PXDNL: variants seen among roughly 807,000 people sequenced by gnomAD.
PXDNL encodes peroxidasin like.
PXDNL carries 145 observed loss-of-function variants against 150.8 expected under a neutral mutation model. The observed-to-expected ratio is 0.96, with a 90% CI of 0.84 to 1.10. The LOEUF is 1.10. Among genes scored for constraint, PXDNL ranks in the 50% least tolerant of loss-of-function variants. PXDNL has a pLI of 0.00. For synonymous variants in PXDNL, 757 were observed against 725.7 expected (o/e 1.04, Z -0.69); for missense variants, 2,087 against 1,873.9 (o/e 1.11, Z -2.10).
In PXDNL at chr8:51,377,950, T is replaced by C. The variant is rs1165154248; in HGVS notation, c.3558-3219A>G. On this transcript the variant is annotated intron_variant, in intron 17 of 22. Transcript: ENST00000356297. ...GCAGGCAGCTCCACCTGCAGCCCCGTGCGGTATCCACTGGGTGAAGCCAGC... is the reference window on the plus strand; with the variant it reads ...GCAGGCAGCTCCACCTGCAGCCCCGCGCGGTATCCACTGGGTGAAGCCAGC... 3.3e-5 allele frequency among the ~76,000 whole-genome samples: 5 copies of C among 152,346 alleles called. No individual in the cohort carries two copies. The East Asian group carries it at 7.7e-4, about 24-fold the overall frequency.
chr8:51,770,594 CT>C (rs2037282695), intron 1 of PXDNL, among the ~76,000 whole-genome samples: 1 of 152,204 alleles, frequency 6.6e-6, no homozygotes, highest in Non-Finnish European at 1.5e-5. Context: ...CTCCTCCTGT[CT>C]CTTGATCAGA....
intron 4 of PXDNL, among the ~76,000 whole-genome samples, chr8:51,506,553 A>C (rs1811297079): frequency 6.6e-6 from 1 of 151,002 alleles, no homozygotes; most frequent in East Asian, 1.9e-4. Flanking sequence ...AAAAAAAAAA[A>C]AAAAAAAAAA....
At chr8:51,471,679 A>C (rs958160107) in intron 8 of PXDNL, among the ~76,000 whole-genome samples, 1 of 146,338 alleles carries the variant, frequency 6.8e-6, no homozygotes, top group Admixed American at 6.9e-5. Flanking sequence ...GAAATGCATA[A>C]TTTTTTTTTT....
intron 17 of PXDNL, among the ~76,000 whole-genome samples, chr8:51,385,388 A>G (rs1004254643): frequency 1.3e-5 from 2 of 152,162 alleles, no homozygotes; most frequent in Non-Finnish European, 2.9e-5. Flanking sequence ...TGTTATGTTT[A>G]CACACTACAT....
At chr8:51,359,446 T>C (rs1806640838) in intron 19 of PXDNL, among the ~76,000 whole-genome samples, 1 of 151,852 alleles carries the variant, frequency 6.6e-6, no homozygotes, top group African/African-American at 2.4e-5. Flanking sequence ...TAAGTGGTCA[T>C]GGGCAAAAAA....
chr8:51,608,698 G>A (rs539351948), intron 2 of PXDNL, among the ~76,000 whole-genome samples: 12 of 151,264 alleles, frequency 7.9e-5, no homozygotes, highest in Admixed American at 3.9e-4. Context: ...TTAGCCGGGC[G>A]TGGTGGTGGG....
chr8:51,685,340 T>A lies in PXDNL; in HGVS notation c.165-30580A>T, dbSNP rs150290369. ...TTAGGTCTGCCCCACATAATACAGG[T>A]TGTCTAACAGGCCATGCCTTCATTC... On this transcript the variant is annotated intron_variant, in intron 1 of 22. Transcript: ENST00000356297. 1.1e-3 allele frequency among the ~76,000 whole-genome samples: 162 copies of A among 152,250 alleles called. 1 individual carries two copies. The highest frequency in any genetic ancestry group is 3.7e-3 in the African/African-American group (154 of 41,546).
At chr8:51,687,315 C>A (rs1388074568) in intron 1 of PXDNL, among the ~76,000 whole-genome samples, 1 of 152,098 alleles carries the variant, frequency 6.6e-6, no homozygotes, top group African/African-American at 2.4e-5. Flanking sequence ...ATGCTTTAGT[C>A]TAACAATTGC....
At chr8:51,337,466 G>C (rs764870636) in intron 21 of PXDNL, among the ~76,000 whole-genome samples, 4 of 152,226 alleles carry the variant, frequency 2.6e-5, no homozygotes, top group African/African-American at 4.8e-5. Context: ...TCACGAGGAT[G>C]AAATAGGGTT....
At chr8:51,746,881 C>T (rs1016080493) in intron 1 of PXDNL, among the ~76,000 whole-genome samples, 1 of 151,764 alleles carries the variant, frequency 6.6e-6, no homozygotes, top group Non-Finnish European at 1.5e-5. Context: ...GCCACCACAC[C>T]CAGTTAACTT....
At chr8:51,688,823 A>G (rs1422697805) in intron 1 of PXDNL, among the ~76,000 whole-genome samples, 1 of 152,194 alleles carries the variant, frequency 6.6e-6, no homozygotes, top group Non-Finnish European at 1.5e-5. Flanking sequence ...TAATCTAACT[A>G]CAAAAGCTAA....
At chr8:51,460,794 C>A (rs1374012696) in intron 8 of PXDNL, among the ~76,000 whole-genome samples, 2 of 152,060 alleles carry the variant, frequency 1.3e-5, no homozygotes, top group African/African-American at 2.4e-5. Context: ...AGAGCATGAG[C>A]CTGCATGGAG....
intron 17 of PXDNL, among the ~76,000 whole-genome samples, chr8:51,392,563 T>A (rs112230258): frequency 0.11 from 16,856 of 152,216 alleles, 1,110 homozygotes; most frequent in East Asian, 0.3. Flanking sequence ...TGTACAAGAA[T>A]GTTTGTGATT....
intron 1 of PXDNL, among the ~76,000 whole-genome samples, chr8:51,763,701 C>G (rs1315311122): frequency 1.3e-5 from 2 of 151,988 alleles, no homozygotes; most frequent in African/African-American, 4.8e-5. Context: ...ATATTTTATA[C>G]TTTTATGCTA....
At chr8:51,447,336 C>T (rs771119663) in intron 11 of PXDNL, among the ~76,000 whole-genome samples, 174 bp from the exon 12 acceptor site, 10 of 152,050 alleles carry the variant, frequency 6.6e-5, no homozygotes, top group Non-Finnish European at 1.3e-4. Context: ...ACCCCCATGC[C>T]GCTTGTCCCC....
At chr8:51,746,838 C>T (rs1328770076) in intron 1 of PXDNL, among the ~76,000 whole-genome samples, 1 of 152,184 alleles carries the variant, frequency 6.6e-6, no homozygotes, top group Non-Finnish European at 1.5e-5. Context: ...TCTCCCACCT[C>T]AGCCTCCCAA....
Position 51,423,740 on chromosome 8 carries a change from C to A in PXDNL, c.1639-9G>T. On this transcript the variant is annotated splice_polypyrimidine_tract_variant and intron_variant, in intron 13 of 22. Transcript: ENST00000356297. ...GTAATCTGCACACCTTCCTAGGGAG[C>A]AAAAAAGAGTTGCCACTGAATGAGT... is the stretch of plus-strand genomic sequence containing the variant. 6.3e-7 allele frequency: 1 copy of A among 1,592,924 alleles called. No homozygotes were observed. Among genetic ancestry groups the A allele is most frequent in the South Asian group, 1.1e-5 (1 of 87,380 alleles).
At chr8:51,395,645 T>C (rs1563390465) in intron 17 of PXDNL, among the ~76,000 whole-genome samples, 1 of 152,182 alleles carries the variant, frequency 6.6e-6, no homozygotes, top group East Asian at 1.9e-4. Flanking sequence ...AAAGATGATA[T>C]AATTTGGTTT....
At chr8:51,465,246 A>C (rs1374260487) in intron 8 of PXDNL, among the ~76,000 whole-genome samples, 1 of 152,214 alleles carries the variant, frequency 6.6e-6, no homozygotes, top group African/African-American at 2.4e-5. Flanking sequence ...AAGTTGTTTC[A>C]ACATATGCAA....
Sources: gnomAD v4.1 joint callset for allele counts (sites outside exome capture counted in the v4.1 genomes callset) on GRCh38, gnomAD v4.1.1 for gene constraint, MANE v1.5 for transcripts, NCBI Gene and HGNC (gene_info 2026-07-23, HGNC 2026-07-21) for gene names.